The following LRP1B variants were observed in gnomAD, a reference collection of about 807,000 sequenced individuals.
LRP1B encodes LDL receptor related protein 1B.
Under a neutral mutation model 556.6 loss-of-function variants are expected in LRP1B, and 217 were observed. The observed-to-expected ratio is 0.39, with a 90% CI of 0.35 to 0.44. The LOEUF is 0.44. Among genes scored for constraint, LRP1B ranks in the 20% least tolerant of loss-of-function variants. The probability of loss-of-function intolerance (pLI) is 1.00; values close to 1 mark genes in which losing one functional copy is unlikely to be tolerated. For missense variants in LRP1B, 5,053 were observed against 5,620.8 expected, an observed-to-expected ratio of 0.90 and a Z score of 3.23; for synonymous variants, 2,047 against 1,865.8, an observed-to-expected ratio of 1.10 and a Z score of -2.50.
chr2:140,615,897 T>C (rs570046911), intron 41 of LRP1B, among the ~76,000 whole-genome samples: 1 of 152,198 alleles, frequency 6.6e-6, no homozygotes, highest in Non-Finnish European at 1.5e-5. Flanking sequence ...TTTGACCTGT[T>C]AGAATACAGA....
intron 1 of LRP1B, among the ~76,000 whole-genome samples, chr2:141,934,061 G>A (rs372573741): frequency 3.3e-5 from 5 of 152,086 alleles, no homozygotes; most frequent in African/African-American, 9.6e-5. Flanking sequence ...GAATAAAAAT[G>A]ACTACAAAAG....
At position 140,834,261 on chromosome 2, in the gene LRP1B, C is replaced by T. The variant is rs541558038; in HGVS notation, c.5209+5730G>A. On this transcript the variant is annotated intron_variant, in intron 31 of 90. Coordinates refer to ENST00000389484, the MANE Select transcript of LRP1B (RefSeq NM_018557.3). ...TTATTTTTATTATTATTTTTTGAGA[C>T]GGAGTCGCTCACTCTGTCATCAGGC... Among the ~76,000 whole-genome samples the T allele has an allele frequency of 8.5e-5, 13 of 152,252 alleles. No homozygotes were observed. The East Asian group carries it at 9.7e-4, about 11-fold the overall frequency.
chr2:140,801,543 C>T (rs115650917), intron 32 of LRP1B, among the ~76,000 whole-genome samples: 3 of 151,050 alleles, frequency 2.0e-5, no homozygotes, highest in East Asian at 1.9e-4. Context: ...AATCCCAGAG[C>T]GTTCATCTTA....
At chr2:141,997,649 A>G (rs1013749350) in intron 1 of LRP1B, among the ~76,000 whole-genome samples, 32 of 3,452 alleles carry the variant, frequency 9.3e-3, no homozygotes, top group Admixed American at 5.9e-3. Flanking sequence ...CACCCAGCCC[A>G]TATATATATA....
rs1046292585 is a variant in LRP1B at position 141,997,501 on chromosome 2, G to A, written c.82+133147C>T. Among the ~76,000 whole-genome samples, 34 of 146,618 alleles carry A rather than the reference G, an allele frequency of 2.3e-4. 2 individuals carry two copies. In the East Asian group the frequency reaches 6.9e-3, roughly 30 times the overall value. ...AACACATTTTTATTTTTATTTTCTT[G>A]ACACAGGGTATTGCTCTGTTGCCCA... On this transcript the variant is annotated intron_variant, in intron 1 of 90. Coordinates refer to ENST00000389484, the MANE Select transcript of LRP1B (RefSeq NM_018557.3).
chr2:141,577,518 G>A (rs1190092491), intron 2 of LRP1B, among the ~76,000 whole-genome samples: 2 of 152,174 alleles, frequency 1.3e-5, no homozygotes, highest in East Asian at 1.9e-4. Context: ...GAGCTGCGCT[G>A]GGGAGTAATG....
intron 32 of LRP1B, among the ~76,000 whole-genome samples, chr2:140,777,533 A>C (rs1363492463): frequency 6.6e-6 from 1 of 152,160 alleles, no homozygotes; most frequent in African/African-American, 2.4e-5. Flanking sequence ...CTACTCTCAT[A>C]AAGGTAAAAG....
At position 141,538,348 on chromosome 2, in the gene LRP1B, G is replaced by A. The variant is rs941324546; in HGVS notation, c.206-57815C>T. Among the ~76,000 whole-genome samples, 4 of 151,904 alleles carry A rather than the reference G, an allele frequency of 2.6e-5. No homozygotes were observed. The South Asian group carries it at 6.2e-4, about 24-fold the overall frequency. On this transcript the variant is annotated intron_variant, in intron 2 of 90. Coordinates refer to ENST00000389484, the MANE Select transcript of LRP1B (RefSeq NM_018557.3). Reference sequence around the variant, plus strand: ...TTTAGTTCAAAATCTTCCCTCTCTCGCTTCTATAGTAAATGACAAGAATAC... The same window carrying A: ...TTTAGTTCAAAATCTTCCCTCTCTCACTTCTATAGTAAATGACAAGAATAC...
At chr2:142,107,022 T>C (rs561596103) in intron 1 of LRP1B, among the ~76,000 whole-genome samples, 1 of 152,216 alleles carries the variant, frequency 6.6e-6, no homozygotes, top group East Asian at 1.9e-4. Context: ...ATAAAATTCA[T>C]ATGTTTTTTG....
At chr2:140,802,414 T>C (rs1378467474) in intron 32 of LRP1B, among the ~76,000 whole-genome samples, 4 of 152,236 alleles carry the variant, frequency 2.6e-5, no homozygotes, top group African/African-American at 9.6e-5. Context: ...AACTCTATTT[T>C]ATATCTAAAG....
chr2:141,754,673 C>A (rs1432819049), intron 2 of LRP1B, among the ~76,000 whole-genome samples: 1 of 152,094 alleles, frequency 6.6e-6, no homozygotes, highest in Non-Finnish European at 1.5e-5. Context: ...CTGTCCCTCC[C>A]TTTAGTGGTG....
At chr2:141,089,545 C>T (rs559392248) in intron 7 of LRP1B, among the ~76,000 whole-genome samples, 2 of 152,260 alleles carry the variant, frequency 1.3e-5, no homozygotes, top group South Asian at 2.1e-4. Context: ...AAATTATAAG[C>T]TTCCCATTCT....
At chr2:141,822,533 AT>A (rs1444153780) in intron 1 of LRP1B, among the ~76,000 whole-genome samples, 1 of 151,944 alleles carries the variant, frequency 6.6e-6, no homozygotes, top group Non-Finnish European at 1.5e-5. Context: ...AAATTCACAT[AT>A]TTTTTTCTCA....
intron 6 of LRP1B, among the ~76,000 whole-genome samples, chr2:141,199,638 T>C (rs1205919003): frequency 2.0e-5 from 3 of 152,204 alleles, no homozygotes; most frequent in Non-Finnish European, 2.9e-5. Flanking sequence ...AAGACACTTA[T>C]TGATTTTTAT....
At chr2:140,453,373 G>T (rs1374324402) in intron 62 of LRP1B, among the ~76,000 whole-genome samples, 1 of 151,842 alleles carries the variant, frequency 6.6e-6, no homozygotes, top group Non-Finnish European at 1.5e-5. Flanking sequence ...TCTATTTCAT[G>T]TCTTAGCTTC....
chr2:141,087,885 A>G (rs57502029), intron 7 of LRP1B, among the ~76,000 whole-genome samples: 11,597 of 59,772 alleles, frequency 0.19, 805 homozygotes, highest in East Asian at 0.31. Context: ...CATATGCCTC[A>G]TTTGTTGTCT....
chr2:142,114,033 A>G (rs1230656688), intron 1 of LRP1B, among the ~76,000 whole-genome samples: 1 of 152,088 alleles, frequency 6.6e-6, no homozygotes. Flanking sequence ...CATTAAACCC[A>G]TTCACTATAT....
At chr2:141,465,217 A>T (rs4371296) in intron 3 of LRP1B, among the ~76,000 whole-genome samples, 64,729 of 151,830 alleles carry the variant, frequency 0.43, 14,551 homozygotes, top group Non-Finnish European at 0.5. Flanking sequence ...ACAAGTTTTT[A>T]AAAAAAGGCT....
At chr2:140,745,132 T>C (rs1688273471) in intron 35 of LRP1B, among the ~76,000 whole-genome samples, 1 of 152,178 alleles carries the variant, frequency 6.6e-6, no homozygotes, top group South Asian at 2.1e-4. Context: ...AGAAAATTCT[T>C]GAAAACTAAG....
Sources: gnomAD v4.1 joint callset for allele counts (sites outside exome capture counted in the v4.1 genomes callset) on GRCh38, gnomAD v4.1.1 for gene constraint, MANE v1.5 for transcripts, NCBI Gene and HGNC (gene_info 2026-07-23, HGNC 2026-07-21) for gene names.